CACNA1D: variants seen among roughly 807,000 people sequenced by gnomAD.
CACNA1D encodes voltage-dependent L-type calcium channel subunit alpha-1D.
A neutral mutation model predicts 257.1 loss-of-function variants in CACNA1D; 55 were observed. The ratio of observed to expected loss-of-function variants is 0.21; its 90% CI spans 0.17 to 0.27. CACNA1D has a LOEUF of 0.27. Among genes scored for constraint, CACNA1D ranks in the 10% least tolerant of loss-of-function variants. The probability of loss-of-function intolerance (pLI) is 1.00; values close to 1 mark genes in which losing one functional copy is unlikely to be tolerated. For synonymous variants in CACNA1D, 980 were observed against 1,014.9 expected, an observed-to-expected ratio of 0.97 and a Z score of 0.65; for missense variants, 1,876 against 2,784.0, an observed-to-expected ratio of 0.67 and a Z score of 7.34.
intron 2 of CACNA1D, among the ~76,000 whole-genome samples, chr3:53,498,111 C>T (rs1328335274): frequency 6.6e-6 from 1 of 152,122 alleles, no homozygotes; most frequent in East Asian, 1.9e-4. Flanking sequence ...TCCAAAGAAG[C>T]ATTTGGAACG....
intron 8 of CACNA1D, among the ~76,000 whole-genome samples, chr3:53,691,731 T>TATATATATTACATATATA (rs1473963508): frequency 7.1e-5 from 3 of 42,282 alleles, no homozygotes; most frequent in Non-Finnish European, 9.5e-5. Context: ...ACATATATAA[T>TATATATATTACATATATA]ATATATATTA....
rs758478850 is a variant in CACNA1D, at chr3:53,811,693, A to G, written c.*287A>G. The G allele has an allele frequency of 4.8e-5, 15 of 310,362 alleles. No homozygotes were observed. The highest frequency in any genetic ancestry group is 8.6e-5 in the African/African-American group (4 of 46,696). 19.2% of individuals were successfully genotyped at this position (310,362 alleles called of 1,614,324 possible). On this transcript the variant is annotated 3_prime_UTR_variant, in exon 48 of 48. Transcript: ENST00000350061. This position sits in a 1 kb window ranked among gnomAD's most constrained non-coding sequence, Gnocchi z 4.2. ...GAGGAGGCCAGACCTGCCCTGCCCC[A>G]TTGTCCAGATGGGCACTGCTGTGGA... is the stretch of plus-strand genomic sequence containing the variant.
intron 4 of CACNA1D, 64 bp downstream of exon 4, chr3:53,650,982 T>G (rs779058168): frequency 1.3e-3 from 1,269 of 979,420 alleles, no homozygotes; most frequent in African/African-American, 4.0e-3. Flanking sequence ...TTGGGGGGGG[T>G]GGTGGTAACA....
At chr3:53,603,451 T>C (rs1388702169) in intron 3 of CACNA1D, among the ~76,000 whole-genome samples, 1 of 152,192 alleles carries the variant, frequency 6.6e-6, no homozygotes, top group East Asian at 1.9e-4. Context: ...CCCTTGGGGT[T>C]GTTGTGAGAA....
intron 4 of CACNA1D, among the ~76,000 whole-genome samples, chr3:53,654,172 G>A (rs1216792117): frequency 6.9e-6 from 1 of 144,040 alleles, no homozygotes; most frequent in East Asian, 2.1e-4. Context: ...CAGGGCTGAA[G>A]GAAAATGACA....
At chr3:53,561,035 G>A (rs924277732) in intron 3 of CACNA1D, among the ~76,000 whole-genome samples, 1 of 152,198 alleles carries the variant, frequency 6.6e-6, no homozygotes. Context: ...GCTCATAGAT[G>A]TTTTATCTTA....
chr3:53,532,940 C>T (rs1160890620), intron 3 of CACNA1D, among the ~76,000 whole-genome samples: 2 of 152,120 alleles, frequency 1.3e-5, no homozygotes, highest in African/African-American at 4.8e-5. Flanking sequence ...TGCCTAGGGT[C>T]ATGAGGAGGT....
chr3:53,611,555 T>A (rs1014260697), intron 3 of CACNA1D, among the ~76,000 whole-genome samples: 1 of 152,192 alleles, frequency 6.6e-6, no homozygotes, highest in East Asian at 1.9e-4. Context: ...TTCTTGGTTA[T>A]GTGGGTTATA....
At chr3:53,563,513 G>A (rs549240837) in intron 3 of CACNA1D, among the ~76,000 whole-genome samples, 4 of 147,194 alleles carry the variant, frequency 2.7e-5, no homozygotes, top group African/African-American at 1.0e-4. Flanking sequence ...GACAGCCTGG[G>A]TGAGGGCGAG....
At chr3:53,588,152 AAG>A (rs1391145675) in intron 3 of CACNA1D, among the ~76,000 whole-genome samples, 2 of 152,202 alleles carry the variant, frequency 1.3e-5, no homozygotes, top group Non-Finnish European at 2.9e-5. Flanking sequence ...GACTGTGTAA[AAG>A]AACTCTGGAG....
intron 40 of CACNA1D, 116 bp downstream of exon 40, chr3:53,787,068 C>A: frequency 9.2e-7 from 1 of 1,083,054 alleles, no homozygotes; most frequent in Non-Finnish European, 1.4e-6. Flanking sequence ...TTTGTTTAAA[C>A]TGAGATACTA....
intron 14 of CACNA1D, 151 bp from the exon 15 acceptor site, chr3:53,726,727 GA>G (rs2094938652): frequency 1.2e-6 from 1 of 853,658 alleles, no homozygotes; most frequent in Admixed American, 1.9e-5. Flanking sequence ...CAGTGTTTTA[GA>G]AATTCCATGG....
rs2095456671 is a variant in CACNA1D, at chr3:53,786,915, G to A, written c.4886G>A (p.Gly1629Glu). Reference sequence around the variant, plus strand: ...AAACGGAAAGAACAAGGACTGGTGGGAAAGTACCCTGCGAAGAACACCACA... The same window carrying A: ...AAACGGAAAGAACAAGGACTGGTGGAAAAGTACCCTGCGAAGAACACCACA... ...FKKRKEQGLVGKYPAKNTTIA... is the reference protein window; with the variant it reads ...FKKRKEQGLVEKYPAKNTTIA... The change falls in exon 40 of 48, where the codon GGA becomes GAA. Residue 1629 changes from glycine (G) to glutamate (E), a missense_variant. Physicochemically the swap from Gly to Glu is moderately conservative, Grantham distance 98 (BLOSUM62 -2). This residue lies in a region of CACNA1D where 160 missense variants were observed against 236.6 expected (regional missense o/e 0.68). Coordinates refer to ENST00000350061, the MANE Select transcript of CACNA1D (RefSeq NM_001128840.3). 6.2e-7 allele frequency: 1 copy of A among 1,614,114 alleles called. No homozygotes were observed. The highest frequency in any genetic ancestry group is 8.5e-7 in the Non-Finnish European group (1 of 1,179,966).
intron 3 of CACNA1D, among the ~76,000 whole-genome samples, chr3:53,539,859 C>G (rs55828852): frequency 0.26 from 39,454 of 152,138 alleles, 5,238 homozygotes; most frequent in Middle Eastern, 0.34. Context: ...AAACACTTCT[C>G]CATATGTTTG....
At chr3:53,739,275 C>CCTGGGTGGTCTCCACAGTCCCTT (rs1343365192) in intron 20 of CACNA1D, among the ~76,000 whole-genome samples, 4 of 152,242 alleles carry the variant, frequency 2.6e-5, no homozygotes, top group Non-Finnish European at 5.9e-5. Context: ...AAGGATTAGG[C>CCTGGGTGGTCTCCACAGTCCCTT]CTGGGTGGTC....
Position 53,723,284 on chromosome 3 carries a change from A to G in CACNA1D, c.1667-150A>G, listed in dbSNP as rs2094899951. The G allele has an allele frequency of 1.4e-6, 1 of 707,482 alleles. No individual in the cohort carries two copies. The highest frequency in any genetic ancestry group is 2.6e-6 in the Non-Finnish European group (1 of 386,848). 43.8% of individuals were successfully genotyped at this position (707,482 alleles called of 1,614,324 possible). On this transcript the variant is annotated intron_variant, in intron 12 of 47. Transcript: ENST00000350061. The surrounding 1 kb of genome is among the most constrained non-coding windows in gnomAD (Gnocchi z 5.6). ...TGGACAGACTGTCCACGCGAAGGCC[A>G]CGTTTCTGTCCTGAGTGAGGTAGTG...
Position 53,755,600 on chromosome 3 carries a change from A to C in CACNA1D, c.3786+1918A>C, listed in dbSNP as rs541510833. Among the ~76,000 whole-genome samples, 11 of 152,358 alleles carry C rather than the reference A, an allele frequency of 7.2e-5. 1 individual carries two copies. Among genetic ancestry groups the C allele is most frequent in the African/African-American group, 2.6e-4 (11 of 41,572 alleles). ...AATTGTACTGCTTGTAGTTTCACTC[A>C]GCAAGATATCTTCATAGCATTAGAC... On this transcript the variant is annotated intron_variant, in intron 29 of 47. Transcript: ENST00000350061.
chr3:53,732,120 G>T (rs1187177794), intron 18 of CACNA1D, 38 bp downstream of exon 18: 1 of 1,508,352 alleles, frequency 6.6e-7, no homozygotes, highest in Non-Finnish European at 9.2e-7. Flanking sequence ...GCTTTGCTGT[G>T]TGTCTTTGCT....
chr3:53,794,441 G>A (rs535546098), intron 40 of CACNA1D, among the ~76,000 whole-genome samples: 2 of 152,126 alleles, frequency 1.3e-5, no homozygotes, highest in African/African-American at 4.8e-5. Context: ...CCATTCAGAC[G>A]TCCCAAAGGC....
Sources: allele counts gnomAD v4.1 joint callset (sites outside exome capture counted in the v4.1 genomes callset), GRCh38; gene constraint gnomAD v4.1.1; regional missense constraint gnomAD v4.1.1; non-coding constraint Gnocchi (gnomAD v3.1); transcripts MANE v1.5; gene names NCBI Gene and HGNC (gene_info 2026-07-23, HGNC 2026-07-21).